Variants in RASAL2 observed in about 807,000 individuals in gnomAD.
RASAL2 encodes RAS protein activator like 2, also known as ras GTPase-activating protein nGAP.
A neutral mutation model predicts 128.9 loss-of-function variants in RASAL2; 58 were observed. The observed-to-expected ratio is 0.45, with a 90% confidence interval of 0.36 to 0.56. The LOEUF (loss-of-function observed/expected upper bound fraction) is 0.56, where lower values mean the gene tolerates loss of function less well. Ranked by LOEUF, RASAL2 falls within the 20% of genes least tolerant of loss-of-function variation. RASAL2 has a pLI of 0.00. For synonymous variants in RASAL2, 561 were observed against 580.8 expected, an observed-to-expected ratio of 0.97 and a Z score of 0.49; for missense variants, 1,360 against 1,601.6, an observed-to-expected ratio of 0.85 and a Z score of 2.57.
At chr1:178,380,044 G>A (rs944018300) in intron 3 of RASAL2, among the ~76,000 whole-genome samples, 3 of 152,016 alleles carry the variant, frequency 2.0e-5, no homozygotes, top group East Asian at 1.9e-4. Context: ...ACGCCGCCAC[G>A]CCCAGCTAAT....
intron 1 of RASAL2, among the ~76,000 whole-genome samples, chr1:178,206,025 TCTGA>T (rs1236913081): frequency 6.6e-6 from 1 of 152,190 alleles, no homozygotes; most frequent in Non-Finnish European, 1.5e-5. Context: ...ATCCTGACAC[TCTGA>T]CTGTTCTTCA....
At chr1:178,470,716 T>C in intron 17 of RASAL2, 1 of 1,365,942 alleles carries the variant, frequency 7.3e-7, no homozygotes, top group Non-Finnish European at 9.8e-7. Flanking sequence ...ATGAGATTAT[T>C]CAAACAGGCA....
intron 1 of RASAL2, among the ~76,000 whole-genome samples, chr1:178,243,155 C>G (rs933854772): frequency 6.6e-6 from 1 of 152,128 alleles, no homozygotes; most frequent in Non-Finnish European, 1.5e-5. Flanking sequence ...GTTTAGCATG[C>G]AGCTCCAAGC....
At chr1:178,141,366 A>G (rs1660527496) in intron 1 of RASAL2, among the ~76,000 whole-genome samples, 1 of 151,458 alleles carries the variant, frequency 6.6e-6, no homozygotes, top group South Asian at 2.1e-4. Flanking sequence ...GAGATGATTT[A>G]TTTCTTTACC....
chr1:178,389,307 G>A, intron 3 of RASAL2: 1 of 966,404 alleles, frequency 1.0e-6, no homozygotes, highest in Non-Finnish European at 1.2e-6. Context: ...TTGTGATAAA[G>A]GTATAATACG....
At chr1:178,351,599 C>T (rs1015053303) in intron 3 of RASAL2, among the ~76,000 whole-genome samples, 12 of 152,116 alleles carry the variant, frequency 7.9e-5, no homozygotes, top group South Asian at 6.2e-4. Flanking sequence ...GGTGTGGTGG[C>T]GCGGCTGTAG....
intron 1 of RASAL2, among the ~76,000 whole-genome samples, chr1:178,247,610 G>A (rs1024710163): frequency 2.4e-4 from 37 of 151,926 alleles, no homozygotes; most frequent in African/African-American, 8.5e-4. Flanking sequence ...CCTTCTGCTG[G>A]CTTTTGAATT....
rs1321023210 is a variant in RASAL2 at position 178,094,580 on chromosome 1, C to T, written c.88C>T (p.Pro30Ser). 6.2e-7 allele frequency: 1 copy of T among 1,607,012 alleles called. No individual in the cohort carries two copies. Among genetic ancestry groups the T allele is most frequent in the Non-Finnish European group, 8.5e-7 (1 of 1,176,922 alleles). Residue 30 changes from proline to serine, a missense_variant, in exon 1 of 18, where the codon CCC (proline) becomes TCC (serine). Around this residue, in one of 3 missense-constraint regions of RASAL2, gnomAD observed 617 missense variants for 714.2 expected, o/e 0.86. Transcript: ENST00000367649. The stretch of plus-strand genomic sequence containing the variant: ...GGCGCTGGAGTCCGACTCGCCGCTG[C>T]CCCCGGAGGACCTGGACGCGGTTGT... ...FPALESDSPL[P>S]PEDLDAVVPV...
intron 4 of RASAL2, among the ~76,000 whole-genome samples, chr1:178,404,474 GGATTCAAGC>G (rs150035749): frequency 4.6e-5 from 7 of 151,454 alleles, no homozygotes; most frequent in Non-Finnish European, 1.0e-4. Flanking sequence ...TCTGCCTCCT[GGATTCAAGC>G]CATTCTCCTG....
At chr1:178,373,044 T>C (rs1671799130) in intron 3 of RASAL2, among the ~76,000 whole-genome samples, 1 of 152,050 alleles carries the variant, frequency 6.6e-6, no homozygotes, top group Non-Finnish European at 1.5e-5. Context: ...TTCTTATAAA[T>C]TTGATTTATC....
intron 4 of RASAL2, among the ~76,000 whole-genome samples, chr1:178,420,059 C>T (rs1675041003): frequency 6.6e-6 from 1 of 152,136 alleles, no homozygotes; most frequent in Non-Finnish European, 1.5e-5. Context: ...TCCAATGCGC[C>T]AAGTACCTTC....
chr1:178,466,133 A>C lies in RASAL2; in HGVS notation c.3590+11A>C. The C allele has an allele frequency of 1.0e-5, 16 of 1,538,874 alleles. No homozygotes were observed. The highest frequency in any genetic ancestry group is 1.3e-5 in the Non-Finnish European group (15 of 1,142,736). On this transcript the variant is annotated intron_variant, in intron 16 of 17. Coordinates refer to ENST00000367649, the MANE Select transcript of RASAL2 (RefSeq NM_170692.4). The stretch of plus-strand genomic sequence containing the variant: ...AAGCATCATCAGCAGGTTAGACATC[A>C]CCTGGCAGCAGATGTGGGCTAGTTA...
chr1:178,209,666 T>G (rs1663184867), intron 1 of RASAL2, among the ~76,000 whole-genome samples: 1 of 152,088 alleles, frequency 6.6e-6, no homozygotes, highest in African/African-American at 2.4e-5. Context: ...TTCATCTGTT[T>G]ATATCTCCTT....
intron 3 of RASAL2, among the ~76,000 whole-genome samples, chr1:178,387,773 A>G (rs949134956): frequency 2.0e-5 from 3 of 152,110 alleles, no homozygotes; most frequent in Non-Finnish European, 4.4e-5. Context: ...CCAGTCTATC[A>G]TTGTTGGAAA....
intron 5 of RASAL2, among the ~76,000 whole-genome samples, chr1:178,431,387 T>G (rs1408842738): frequency 6.6e-6 from 1 of 152,032 alleles, no homozygotes; most frequent in Non-Finnish European, 1.5e-5. Context: ...AAAGCCATAA[T>G]GAAATACCAT....
At chr1:178,368,921 C>A (rs369583231) in intron 3 of RASAL2, among the ~76,000 whole-genome samples, 35 of 152,220 alleles carry the variant, frequency 2.3e-4, no homozygotes, top group African/African-American at 8.4e-4. Flanking sequence ...CCATGCCTAA[C>A]CTTCAAGCAT....
Position 178,420,599 on chromosome 1 carries a change from C to T in RASAL2, c.653C>T (p.Ser218Phe), listed in dbSNP as rs1557975594. 1.2e-6 allele frequency: 2 copies of T among 1,610,364 alleles called. No homozygotes were observed. The highest frequency in any genetic ancestry group is 1.3e-5 in the African/African-American group (1 of 74,932). The stretch of plus-strand genomic sequence containing the variant: ...AGAAACACGAGCTTTCGGCTTCCAT[C>T]CCTTCGCAGTACAGATGACAGGTAG... The part of the protein sequence containing the change: ...LDRNTSFRLP[S>F]LRSTDDRSRG... Residue 218 changes from serine (S) to phenylalanine (F), a missense_variant, in exon 5 of 18, where the codon TCC (serine) becomes TTC (phenylalanine). Physicochemically the swap from Ser to Phe is radical, Grantham distance 155. This residue lies in a region of RASAL2 where 617 missense variants were observed against 714.2 expected (regional missense o/e 0.86). Transcript: ENST00000367649.
chr1:178,404,844 G>A (rs1673896919), intron 4 of RASAL2, among the ~76,000 whole-genome samples: 1 of 151,384 alleles, frequency 6.6e-6, no homozygotes, highest in South Asian at 2.1e-4. Flanking sequence ...ACCACACCCA[G>A]CTAATTTCTG....
chr1:178,244,228 G>C (rs1664656726), intron 1 of RASAL2, among the ~76,000 whole-genome samples: 1 of 151,846 alleles, frequency 6.6e-6, no homozygotes, highest in Non-Finnish European at 1.5e-5. Flanking sequence ...TTTTGTACTT[G>C]GTAAACTTTT....
Sources: allele counts gnomAD v4.1 joint callset (sites outside exome capture counted in the v4.1 genomes callset), GRCh38; gene constraint gnomAD v4.1.1; regional missense constraint gnomAD v4.1.1; transcripts MANE v1.5; gene names NCBI Gene and HGNC (gene_info 2026-07-23, HGNC 2026-07-21).